IGSF10: variants seen among roughly 807,000 people sequenced by gnomAD.
IGSF10 encodes calvaria mechanical force protein 608.
Under a neutral mutation model 128.2 loss-of-function variants are expected in IGSF10, and 126 were observed. The observed-to-expected ratio is 0.98, with a 90% CI of 0.85 to 1.14. The LOEUF is 1.14. IGSF10 is among the 50% of genes most tolerant of loss of function. The probability of loss-of-function intolerance (pLI) is 0.00; values close to 1 mark genes in which losing one functional copy is unlikely to be tolerated. For missense variants in IGSF10, 3,295 were observed against 3,149.8 expected, an observed-to-expected ratio of 1.05 and a Z score of -1.10; for synonymous variants, 1,185 against 1,146.2, an observed-to-expected ratio of 1.03 and a Z score of -0.68.
At chr3:151,589,056 G>A in the IGSF10 span, among the ~76,000 whole-genome samples, 2 of 152,074 alleles carry the variant, frequency 1.3e-5, no homozygotes, top group Admixed American at 6.6e-5. Context: ...TATTTCTATA[G>A]TTATATAAAA....
the IGSF10 span, among the ~76,000 whole-genome samples, chr3:151,582,556 A>G: frequency 6.6e-6 from 1 of 152,168 alleles, no homozygotes. Flanking sequence ...AGATTGATTT[A>G]TGCTATTGTA....
chr3:151,545,143 G>GT, the IGSF10 span, among the ~76,000 whole-genome samples: 15 of 152,160 alleles, frequency 9.9e-5, no homozygotes, highest in African/African-American at 3.1e-4. Context: ...AATTTTGAAA[G>GT]TTTTTTTATG....
chr3:151,527,185 A>C, the IGSF10 span, among the ~76,000 whole-genome samples: 1 of 152,214 alleles, frequency 6.6e-6, no homozygotes, highest in South Asian at 2.1e-4. Context: ...AAATGACAGA[A>C]AACTCAGCCC....
the IGSF10 span, among the ~76,000 whole-genome samples, chr3:151,557,263 G>A: frequency 2.6e-5 from 4 of 152,158 alleles, no homozygotes; most frequent in Non-Finnish European, 4.4e-5. Context: ...AGAGCTGTAG[G>A]CAATGTTAGG....
chr3:151,527,418 C>T, the IGSF10 span, among the ~76,000 whole-genome samples: 5 of 152,006 alleles, frequency 3.3e-5, no homozygotes, highest in East Asian at 3.9e-4. Flanking sequence ...TCTGAAGAGT[C>T]GATAATGGAT....
the IGSF10 span, among the ~76,000 whole-genome samples, chr3:151,493,509 C>T: frequency 6.6e-6 from 1 of 152,078 alleles, no homozygotes; most frequent in South Asian, 2.1e-4. Context: ...TAGATATGTT[C>T]AGATACACAA....
chr3:151,593,192 A>G, the IGSF10 span, among the ~76,000 whole-genome samples: 1 of 152,176 alleles, frequency 6.6e-6, no homozygotes, highest in South Asian at 2.1e-4. Context: ...GTGTAGGGAC[A>G]TGATGATAGC....
chr3:151,585,766 G>A, the IGSF10 span, among the ~76,000 whole-genome samples: 2 of 151,934 alleles, frequency 1.3e-5, no homozygotes, highest in African/African-American at 4.8e-5. Flanking sequence ...CCATGCATGT[G>A]GAAGAAGAAA....
chr3:151,447,064 TG>T lies in IGSF10; in HGVS notation c.2916del (p.His972GlnfsTer90). The T allele has an allele frequency of 3.1e-6, 5 of 1,614,124 alleles. No individual in the cohort carries two copies. Among genetic ancestry groups the T allele is most frequent in the Non-Finnish European group, 4.2e-6 (5 of 1,179,982 alleles). ...GTGGAGGTGCTAAGTATTTGAGTAG[TG>T]TGAGAATAGAAGTGATTGTGCCTGG... Reference protein sequence around the residue: ...SEPRHNHFYSHTTQILSTSTF... With the variant: ...SEPRHNHFYSXTTQILSTSTF... On this transcript the variant is annotated frameshift_variant, in exon 6 of 8. Coordinates refer to ENST00000282466, the MANE Select transcript of IGSF10 (RefSeq NM_178822.5). LOFTEE classifies it high-confidence loss of function.
At chr3:151,612,220 A>C in the IGSF10 span, among the ~76,000 whole-genome samples, 1 of 152,166 alleles carries the variant, frequency 6.6e-6, no homozygotes, top group Non-Finnish European at 1.5e-5. Context: ...ACTTGCTGAA[A>C]TCTCAGTACA....
the IGSF10 span, among the ~76,000 whole-genome samples, chr3:151,566,961 C>T: frequency 6.6e-6 from 1 of 152,204 alleles, no homozygotes; most frequent in Non-Finnish European, 1.5e-5. Flanking sequence ...ATGTCATAGC[C>T]TTTTCCCTGA....
chr3:151,434,018 TAA>T (rs777691698), downstream of IGSF10: 10 of 152,766 alleles, frequency 6.5e-5, no homozygotes, highest in African/African-American at 1.4e-4. Flanking sequence ...TTGTGTAACT[TAA>T]GAGTATTCTA....
the IGSF10 span, among the ~76,000 whole-genome samples, chr3:151,477,450 G>A: frequency 6.6e-6 from 1 of 152,014 alleles, no homozygotes; most frequent in Non-Finnish European, 1.5e-5. Context: ...TGGATTTTAA[G>A]GATTTATCTT....
At position 151,438,733 on chromosome 3, in the gene IGSF10, C is replaced by T; in HGVS notation, c.5964-136G>A. 3 of 630,780 alleles carry T rather than the reference C, an allele frequency of 4.8e-6. No individual in the cohort carries two copies. In the South Asian group the frequency reaches 6.1e-5, roughly 13 times the overall value. The allele number at this position is 630,780 out of a possible 1,614,324, so 39.1% of individuals were successfully genotyped here. On this transcript the variant is annotated intron_variant, in intron 7 of 7. Coordinates refer to ENST00000282466, the MANE Select transcript of IGSF10 (RefSeq NM_178822.5). ...AATTGTGTATCTTTGAGGTGTAGAA[C>T]ATGACATTTTGAGAGAGATATATAT...
Position 151,437,228 on chromosome 3 carries a change from T to C in IGSF10, c.7333A>G (p.Ile2445Val). 6.2e-7 allele frequency: 1 copy of C among 1,614,258 alleles called. No homozygotes were observed. Among genetic ancestry groups the C allele is most frequent in the Non-Finnish European group, 8.5e-7 (1 of 1,180,048 alleles). Residue 2445 changes from isoleucine to valine, a missense_variant, in exon 8 of 8, where the codon ATC becomes GTC. Ile to Val is a conservative substitution (Grantham distance 29, BLOSUM62 3). Transcript: ENST00000282466. ...TGCAGTGATAGAGATTCTCCACTGATGCCTTTTACTGTCCCTGGTGCATAG... is the reference window on the plus strand; with the variant it reads ...TGCAGTGATAGAGATTCTCCACTGACGCCTTTTACTGTCCCTGGTGCATAG... ...LTYAPGTVKG[I>V]SGESLSLHCV...
chr3:151,515,168 C>T, the IGSF10 span, among the ~76,000 whole-genome samples: 29 of 152,116 alleles, frequency 1.9e-4, no homozygotes, highest in African/African-American at 5.3e-4. Flanking sequence ...CACATGCACA[C>T]GTATGTTTAT....
chr3:151,491,667 C>T, the IGSF10 span, among the ~76,000 whole-genome samples: 1 of 152,048 alleles, frequency 6.6e-6, no homozygotes, highest in Non-Finnish European at 1.5e-5. Context: ...TAAAACATCT[C>T]CCAACAAAGA....
intron 4 of IGSF10, among the ~76,000 whole-genome samples, chr3:151,454,898 C>T (rs1000998941): frequency 7.9e-5 from 12 of 151,986 alleles, no homozygotes; most frequent in African/African-American, 2.9e-4. Flanking sequence ...CCTAGCTACT[C>T]AGGAGGCTGA....
the IGSF10 span, among the ~76,000 whole-genome samples, chr3:151,524,360 A>G: frequency 6.6e-6 from 1 of 152,192 alleles, no homozygotes; most frequent in Non-Finnish European, 1.5e-5. Context: ...TCACAATAGC[A>G]AAGACATGGA....
Sources: allele counts gnomAD v4.1 joint callset (sites outside exome capture counted in the v4.1 genomes callset), GRCh38; gene constraint gnomAD v4.1.1; transcripts MANE v1.5; gene names NCBI Gene and HGNC (gene_info 2026-07-23, HGNC 2026-07-21).